FILIP1L: variants seen among roughly 807,000 people sequenced by gnomAD.
FILIP1L encodes the protein filamin A-interacting protein 1-like.
Under a neutral mutation model 96.6 loss-of-function variants are expected in FILIP1L, and 55 were observed. That is an observed-to-expected ratio of 0.57 (90% CI 0.46 to 0.71). FILIP1L has a LOEUF of 0.71. Among genes scored for constraint, FILIP1L ranks in the 30% least tolerant of loss-of-function variants. FILIP1L has a pLI of 0.00. For missense variants in FILIP1L, 1,304 were observed against 1,321.2 expected, an observed-to-expected ratio of 0.99 and a Z score of 0.20; for synonymous variants, 467 against 473.9, an observed-to-expected ratio of 0.99 and a Z score of 0.19.
intron 1 of FILIP1L, among the ~76,000 whole-genome samples, chr3:99,932,213 C>G (rs568269698): frequency 4.6e-5 from 7 of 152,216 alleles, no homozygotes; most frequent in Non-Finnish European, 8.8e-5. Context: ...ACCACGTAAT[C>G]TTGAATTTGG....
chr3:100,006,962 G>A (rs1386496397), intron 1 of FILIP1L, among the ~76,000 whole-genome samples: 1 of 152,150 alleles, frequency 6.6e-6, no homozygotes, highest in Non-Finnish European at 1.5e-5. Context: ...GTTTTGTTCT[G>A]TATATTCTTT....
rs531064419 is a variant in FILIP1L at position 100,083,130 on chromosome 3, C to T, written c.-11+30923G>A. ...TATTGTTTAGGGTCAGACATATTGG[C>T]AGTCAGTACCTGACAGGGTCAAAGT... On this transcript the variant is annotated intron_variant, in intron 1 of 5. Transcript: ENST00000477258. Among the ~76,000 whole-genome samples, 11 of 152,254 alleles carry T rather than the reference C, an allele frequency of 7.2e-5. 1 individual carries two copies. The South Asian group carries it at 2.3e-3, about 32-fold the overall frequency.
At chr3:100,025,672 A>C (rs980774046) in intron 1 of FILIP1L, 1 of 152,202 alleles carries the variant, frequency 6.6e-6, no homozygotes, top group Non-Finnish European at 1.5e-5. Context: ...GGAGAAACAT[A>C]CCAGGTCGTC....
chr3:99,925,892 T>A, intron 3 of FILIP1L: 3 of 985,362 alleles, frequency 3.0e-6, no homozygotes, highest in Non-Finnish European at 3.6e-6. Context: ...GAGCTCCATT[T>A]TGCCCAGCAC....
chr3:100,089,876 C>T (rs148168225), intron 1 of FILIP1L, among the ~76,000 whole-genome samples: 2 of 152,318 alleles, frequency 1.3e-5, no homozygotes, highest in African/African-American at 4.8e-5. Context: ...TGGAGCAAGT[C>T]TTGTCTTCCG....
chr3:99,969,670 GA>G (rs1708757596), intron 1 of FILIP1L, among the ~76,000 whole-genome samples: 1 of 152,156 alleles, frequency 6.6e-6, no homozygotes, highest in Non-Finnish European at 1.5e-5. Flanking sequence ...AGCCTGGAAG[GA>G]TCAGAGATTG....
intron 1 of FILIP1L, among the ~76,000 whole-genome samples, chr3:99,947,280 T>C (rs1359459876): frequency 6.6e-6 from 1 of 152,076 alleles, no homozygotes; most frequent in East Asian, 1.9e-4. Context: ...CCATAGACTT[T>C]CTTATCTTTG....
chr3:99,933,238 G>A (rs572694292), intron 1 of FILIP1L, among the ~76,000 whole-genome samples: 23 of 152,244 alleles, frequency 1.5e-4, no homozygotes, highest in East Asian at 3.9e-4. Flanking sequence ...TACCTTGTCC[G>A]AAAAATGCCT....
At chr3:100,038,907 T>C (rs903761732) in intron 1 of FILIP1L, among the ~76,000 whole-genome samples, 1 of 151,932 alleles carries the variant, frequency 6.6e-6, no homozygotes, top group Non-Finnish European at 1.5e-5. Context: ...TTGCATGTAA[T>C]AAAAAGAAGA....
At chr3:99,925,505 T>G (rs187593553) in intron 3 of FILIP1L, among the ~76,000 whole-genome samples, 75 of 152,342 alleles carry the variant, frequency 4.9e-4, no homozygotes, top group Admixed American at 1.9e-3. Context: ...ACTGAGATTT[T>G]TTTTGTTTTG....
chr3:99,847,347 CT>C (rs879394535), intron 5 of FILIP1L, among the ~76,000 whole-genome samples: 379 of 136,382 alleles, frequency 2.8e-3, no homozygotes, highest in Middle Eastern at 7.5e-3. Flanking sequence ...ATGACATTTT[CT>C]TTTTTTTTTT....
At chr3:99,835,275 T>C (rs781263065) in intron 5 of FILIP1L, among the ~76,000 whole-genome samples, 1 of 152,242 alleles carries the variant, frequency 6.6e-6, no homozygotes, top group African/African-American at 2.4e-5. Flanking sequence ...TTATGCTACT[T>C]TGTCTGGTCC....
At chr3:99,987,747 CTT>C (rs753843418) in intron 1 of FILIP1L, among the ~76,000 whole-genome samples, 9 of 152,068 alleles carry the variant, frequency 5.9e-5, no homozygotes, top group Non-Finnish European at 1.0e-4. Flanking sequence ...TGTAATGAAA[CTT>C]TTTTGAAATT....
intron 4 of FILIP1L, among the ~76,000 whole-genome samples, chr3:99,874,111 A>G (rs1320151576): frequency 6.6e-6 from 1 of 152,190 alleles, no homozygotes; most frequent in Non-Finnish European, 1.5e-5. Flanking sequence ...AAAGTTAATA[A>G]ATGGGAAAAA....
chr3:100,032,321 T>G (rs1422224088), intron 1 of FILIP1L, among the ~76,000 whole-genome samples: 2 of 152,188 alleles, frequency 1.3e-5, no homozygotes, highest in African/African-American at 4.8e-5. Flanking sequence ...TTATTTTGAT[T>G]TACTCTCTTA....
chr3:100,072,489 C>T (rs539036537), intron 1 of FILIP1L, among the ~76,000 whole-genome samples: 10 of 152,312 alleles, frequency 6.6e-5, no homozygotes, highest in African/African-American at 2.4e-4. Flanking sequence ...TGACTGATTT[C>T]ATCAACTGAG....
In FILIP1L at chr3:100,082,254, A is replaced by G. The variant is rs552830224; in HGVS notation, c.-11+31799T>C. The stretch of plus-strand genomic sequence containing the variant: ...AGAATTCATAGAATAGAATCTGTTT[A>G]ACATACTGACCTAAGCTGCACATGT... On this transcript the variant is annotated intron_variant, in intron 1 of 5. Transcript: ENST00000477258. 3.4e-4 allele frequency among the ~76,000 whole-genome samples: 52 copies of G among 152,358 alleles called. 2 individuals are homozygous for G. The South Asian group carries it at 0.011, about 32-fold the overall frequency.
intron 1 of FILIP1L, among the ~76,000 whole-genome samples, chr3:99,954,671 C>G (rs541605644): frequency 6.6e-6 from 1 of 151,894 alleles, no homozygotes; most frequent in African/African-American, 2.4e-5. Flanking sequence ...ACTAAAAATA[C>G]AAAAATTAGC....
chr3:99,843,902 A>G (rs1240621216), intron 5 of FILIP1L, among the ~76,000 whole-genome samples: 2 of 152,200 alleles, frequency 1.3e-5, no homozygotes, highest in East Asian at 3.9e-4. Context: ...TGAACTGCAC[A>G]TGCGAGGGGT....
Sources: gnomAD v4.1 joint callset for allele counts (sites outside exome capture counted in the v4.1 genomes callset) on GRCh38, gnomAD v4.1.1 for gene constraint, MANE v1.5 for transcripts, NCBI Gene and HGNC (gene_info 2026-07-23, HGNC 2026-07-21) for gene names.